Variants in DLGAP2 observed in about 807,000 individuals in gnomAD.
DLGAP2 encodes the protein disks large-associated protein 2.
Under a neutral mutation model 100.3 loss-of-function variants are expected in DLGAP2, and 26 were observed. The observed-to-expected ratio is 0.26, with a 90% CI of 0.19 to 0.36. DLGAP2 has a LOEUF of 0.36. Ranked by LOEUF, DLGAP2 falls within the 10% of genes least tolerant of loss-of-function variation. The pLI is 1.00. For missense variants in DLGAP2, 1,858 were observed against 1,453.2 expected (o/e 1.28, Z -4.53); for synonymous variants, 886 against 630.1 (o/e 1.41, Z -6.08).
intron 2 of DLGAP2, among the ~76,000 whole-genome samples, chr8:1,236,921 T>TGCCGTGTCTAGTTCTCTCACATGGC (rs1585178017): frequency 1.3e-5 from 1 of 79,938 alleles, no homozygotes; most frequent in Admixed American, 1.2e-4. Flanking sequence ...TCTCACATGG[T>TGCCGTGTCTAGTTCTCTCACATGGC]GCCGTGTCTA....
intron 2 of DLGAP2, among the ~76,000 whole-genome samples, chr8:1,197,696 ACGTC>A: frequency 1.5e-5 from 1 of 66,036 alleles, no homozygotes; most frequent in African/African-American, 9.9e-5. Context: ...AACCTGAGCC[ACGTC>A]AATGTGGAGC....
At chr8:1,374,638 G>A (rs1476516064) in intron 3 of DLGAP2, among the ~76,000 whole-genome samples, 1 of 152,172 alleles carries the variant, frequency 6.6e-6, no homozygotes, top group South Asian at 2.1e-4. Context: ...CAATGTAGGA[G>A]TTAAAGATTT....
chr8:1,697,717 T>G (rs979447995), intron 14 of DLGAP2, among the ~76,000 whole-genome samples: 2 of 152,236 alleles, frequency 1.3e-5, no homozygotes, highest in African/African-American at 4.8e-5. Context: ...GGTTATGGAC[T>G]ATCTCCTATT....
At chr8:1,622,137 G>A (rs541405589) in intron 6 of DLGAP2, 9 of 152,332 alleles carry the variant, frequency 5.9e-5, no homozygotes, top group Middle Eastern at 3.4e-3. Flanking sequence ...ACACGCACGC[G>A]TGTGCACACG....
At position 837,169 on chromosome 8, in the gene DLGAP2, C is replaced by T. The variant is rs1004515390; in HGVS notation, c.19-70743C>T. ...AGCGCCTTCCTCCTGGCGGGGATCC[C>T]GGGAGCGGATGCGCTCAGGCCTCGG... On this transcript the variant is annotated intron_variant, in intron 1 of 14. Transcript: ENST00000637795. Among the ~76,000 whole-genome samples, 7 of 152,264 alleles carry T rather than the reference C, an allele frequency of 4.6e-5. No individual in the cohort carries two copies. The East Asian group carries it at 5.8e-4, about 13-fold the overall frequency.
intron 3 of DLGAP2, chr8:1,379,738 C>T (rs10107059): frequency 0.085 from 12,983 of 152,380 alleles, 878 homozygotes; most frequent in East Asian, 0.26. Flanking sequence ...GCATGGCAAC[C>T]GTGCCTGGGA....
chr8:770,994 G>GT (rs1269276377), intron 1 of DLGAP2, among the ~76,000 whole-genome samples: 1 of 151,978 alleles, frequency 6.6e-6, no homozygotes, highest in Non-Finnish European at 1.5e-5. Flanking sequence ...ACTGCTAGAT[G>GT]TTTTTATGAT....
intron 2 of DLGAP2, among the ~76,000 whole-genome samples, chr8:1,133,621 T>C (rs1270884325): frequency 6.6e-6 from 1 of 152,180 alleles, no homozygotes; most frequent in Non-Finnish European, 1.5e-5. Context: ...CAAGTCAAAA[T>C]AAATATTATT....
At chr8:954,512 T>C (rs1271650882) in intron 2 of DLGAP2, among the ~76,000 whole-genome samples, 2 of 152,198 alleles carry the variant, frequency 1.3e-5, no homozygotes. Flanking sequence ...ATTTATAATG[T>C]AACTGAATAT....
At chr8:1,380,468 C>A (rs1188276703) in intron 3 of DLGAP2, among the ~76,000 whole-genome samples, 1 of 152,150 alleles carries the variant, frequency 6.6e-6, no homozygotes, top group Non-Finnish European at 1.5e-5. Flanking sequence ...TAAAACTCAC[C>A]CCTCCAGTTG....
chr8:1,181,846 C>T (rs1431663795), intron 2 of DLGAP2, among the ~76,000 whole-genome samples: 1 of 152,174 alleles, frequency 6.6e-6, no homozygotes, highest in African/African-American at 2.4e-5. Flanking sequence ...CCACCTTCCT[C>T]CCTGCACGGC....
At chr8:1,127,117 T>A (rs569907839) in intron 2 of DLGAP2, among the ~76,000 whole-genome samples, 1 of 147,442 alleles carries the variant, frequency 6.8e-6, no homozygotes, top group Admixed American at 6.7e-5. Flanking sequence ...TAAACGGTCC[T>A]TCTGCTTGTG....
chr8:1,552,591 T>C (rs1295121498), intron 5 of DLGAP2, among the ~76,000 whole-genome samples: 1 of 152,214 alleles, frequency 6.6e-6, no homozygotes, highest in Admixed American at 6.5e-5. Flanking sequence ...AAACTACAGG[T>C]TTCTGGGTCC....
chr8:1,292,416 A>G (rs2116972612), intron 3 of DLGAP2, among the ~76,000 whole-genome samples: 1 of 152,286 alleles, frequency 6.6e-6, no homozygotes, highest in Admixed American at 6.5e-5. Flanking sequence ...CAGTTGGAGG[A>G]TGGGACAGTG....
At position 1,701,372 on chromosome 8, in the gene DLGAP2, A is replaced by G; in HGVS notation, c.3134A>G (p.Glu1045Gly). The G allele has an allele frequency of 6.3e-7, 1 of 1,598,408 alleles. No homozygotes were observed. Among genetic ancestry groups the G allele is most frequent in the Non-Finnish European group, 8.5e-7 (1 of 1,173,368 alleles). Residue 1045 changes from glutamate (E) to glycine (G), a missense_variant, in exon 15 of 15, where the codon GAG (glutamate) becomes GGG (glycine). Glu to Gly is a moderately conservative substitution (Grantham distance 98, BLOSUM62 -2). Coordinates refer to ENST00000637795, the MANE Select transcript of DLGAP2 (RefSeq NM_001346810.2). ...NSASERADSI[E>G]IYIPEAQTRL The stretch of plus-strand genomic sequence containing the variant: ...GCCTCCGAGCGCGCGGACAGCATCG[A>G]GATCTACATCCCCGAGGCCCAGACC...
chr8:1,112,301 T>C (rs2129046054), intron 2 of DLGAP2, among the ~76,000 whole-genome samples: 1 of 140,598 alleles, frequency 7.1e-6, no homozygotes, highest in African/African-American at 2.7e-5. Flanking sequence ...AGTGCAGTGG[T>C]GTGATCTTGG....
rs927847467 is a variant in DLGAP2, at chr8:1,458,055, T to A, written c.107-43311T>A. Reference sequence around the variant, plus strand: ...GTATATATAATTATATATATATATATGTATATGTATATAATTTTTTGTATG... The same window carrying A: ...GTATATATAATTATATATATATATAAGTATATGTATATAATTTTTTGTATG... On this transcript the variant is annotated intron_variant, in intron 3 of 14. Coordinates refer to ENST00000637795, the MANE Select transcript of DLGAP2 (RefSeq NM_001346810.2). Among the ~76,000 whole-genome samples the A allele has an allele frequency of 2.1e-5, 3 of 146,096 alleles. No individual in the cohort carries two copies. The East Asian group carries it at 5.9e-4, about 29-fold the overall frequency.
chr8:1,025,368 A>G (rs1801767376), intron 2 of DLGAP2, among the ~76,000 whole-genome samples: 1 of 152,180 alleles, frequency 6.6e-6, no homozygotes, highest in South Asian at 2.1e-4. Flanking sequence ...ACGTCTTCCC[A>G]TAAACTTAAC....
At chr8:1,333,911 G>A (rs1801214278) in intron 3 of DLGAP2, among the ~76,000 whole-genome samples, 1 of 152,240 alleles carries the variant, frequency 6.6e-6, no homozygotes, top group South Asian at 2.1e-4. Context: ...CCTCCCATCT[G>A]AGGCTCAGCC....
Sources: gnomAD v4.1 joint callset for allele counts (sites outside exome capture counted in the v4.1 genomes callset) on GRCh38, gnomAD v4.1.1 for gene constraint, MANE v1.5 for transcripts, NCBI Gene and HGNC (gene_info 2026-07-23, HGNC 2026-07-21) for gene names.